Variants in SEMA3A observed in about 807,000 individuals in gnomAD.
SEMA3A encodes semaphorin-3A.
SEMA3A carries 29 observed loss-of-function variants against 97.9 expected under a neutral mutation model. That is an observed-to-expected ratio of 0.30 (90% CI 0.22 to 0.40). The LOEUF is 0.40. SEMA3A is among the 10% of genes least tolerant of loss of function. The pLI is 1.00. For missense variants in SEMA3A, 763 were observed against 951.3 expected (o/e 0.80, Z 2.60); for synonymous variants, 321 against 323.7 (o/e 0.99, Z 0.09).
At chr7:84,190,960 T>TAC (rs200896857) in intron 1 of SEMA3A, among the ~76,000 whole-genome samples, 36 of 82,678 alleles carry the variant, frequency 4.4e-4, no homozygotes, top group African/African-American at 8.0e-4. Context: ...TGTATTGGTA[T>TAC]ATACACACAC....
intron 2 of SEMA3A, among the ~76,000 whole-genome samples, chr7:84,338,205 A>G (rs1271817929): frequency 1.3e-5 from 2 of 151,578 alleles, no homozygotes; most frequent in African/African-American, 4.8e-5. Flanking sequence ...AAAATGTTCC[A>G]TATATCCCAA....
chr7:83,995,284 C>G (rs752823722), intron 12 of SEMA3A, among the ~76,000 whole-genome samples: 4 of 152,162 alleles, frequency 2.6e-5, no homozygotes, highest in Non-Finnish European at 5.9e-5. Flanking sequence ...TTCTGCGTCG[C>G]TCACTCTGGG....
Position 84,314,603 on chromosome 7 carries a change from T to C in SEMA3A, c.-168-7311A>G, listed in dbSNP as rs969513655. ...AATGTGTGCAATATATAAACTTTGTTGTAATAAGCTATATAGATAGATGTT... is the reference window on the plus strand; with the variant it reads ...AATGTGTGCAATATATAAACTTTGTCGTAATAAGCTATATAGATAGATGTT... On this transcript the variant is annotated intron_variant, in intron 2 of 3. Transcript: ENST00000424555. Among the ~76,000 whole-genome samples the C allele has an allele frequency of 8.5e-5, 13 of 152,294 alleles. No individual in the cohort carries two copies. The East Asian group carries it at 2.1e-3, about 25-fold the overall frequency.
intron 1 of SEMA3A, among the ~76,000 whole-genome samples, chr7:84,140,111 G>GA (rs1796254386): frequency 6.6e-6 from 1 of 152,076 alleles, no homozygotes; most frequent in Non-Finnish European, 1.5e-5. Flanking sequence ...TAAATGGAAA[G>GA]AAAAAAGACA....
intron 6 of SEMA3A, among the ~76,000 whole-genome samples, chr7:84,022,480 A>C (rs939152991): frequency 2.0e-5 from 3 of 152,232 alleles, no homozygotes; most frequent in African/African-American, 7.2e-5. Context: ...GTGGCCACTG[A>C]AACTTAATGA....
At chr7:84,263,741 T>C (rs977715464) in intron 3 of SEMA3A, among the ~76,000 whole-genome samples, 2 of 152,212 alleles carry the variant, frequency 1.3e-5, no homozygotes, top group African/African-American at 4.8e-5. Flanking sequence ...AGTATTTGAA[T>C]GGAGATCTGT....
intron 1 of SEMA3A, among the ~76,000 whole-genome samples, chr7:84,443,718 T>TA (rs1332220519): frequency 6.6e-6 from 1 of 152,150 alleles, no homozygotes; most frequent in Admixed American, 6.5e-5. Flanking sequence ...AACACTCTCA[T>TA]AATCAGCAGG....
At chr7:83,968,924 C>T (rs180745453) in intron 15 of SEMA3A, among the ~76,000 whole-genome samples, 3,896 of 151,132 alleles carry the variant, frequency 0.026, 98 homozygotes, top group Middle Eastern at 0.051. Flanking sequence ...AATTCTCCTG[C>T]CTCAGCCTCC....
intron 3 of SEMA3A, among the ~76,000 whole-genome samples, chr7:84,127,250 G>A (rs1795827684): frequency 6.6e-6 from 1 of 151,806 alleles, no homozygotes; most frequent in African/African-American, 2.4e-5. Flanking sequence ...CCATTGATAT[G>A]TGTGATCAAA....
chr7:84,023,228 T>C (rs545272160), intron 6 of SEMA3A, among the ~76,000 whole-genome samples: 4 of 152,316 alleles, frequency 2.6e-5, no homozygotes, highest in South Asian at 4.1e-4. Flanking sequence ...TTTGGCAGCT[T>C]GAGCTTATTT....
At chr7:84,042,313 C>T (rs745466626) in intron 6 of SEMA3A, among the ~76,000 whole-genome samples, 15 of 152,024 alleles carry the variant, frequency 9.9e-5, no homozygotes, top group Non-Finnish European at 1.9e-4. Context: ...AGGCACGATC[C>T]TTTTAGGAAA....
chr7:83,999,847 A>G (rs975854175), intron 12 of SEMA3A, among the ~76,000 whole-genome samples: 1 of 152,094 alleles, frequency 6.6e-6, no homozygotes, highest in Non-Finnish European at 1.5e-5. Context: ...GTCTCCAAAT[A>G]TACGTTGGTA....
At position 84,151,622 on chromosome 7, in the gene SEMA3A, C is replaced by T. The variant is rs1429321171; in HGVS notation, c.113-16671G>A. The stretch of plus-strand genomic sequence containing the variant: ...ACCAAATCTACGTCTGATTGGTGTA[C>T]CTGAAAGTGATGGGGAGAATGGAAC... On this transcript the variant is annotated intron_variant, in intron 1 of 16. Transcript: ENST00000265362. Among the ~76,000 whole-genome samples the T allele has an allele frequency of 5.9e-5, 9 of 152,048 alleles. 1 individual carries two copies. The highest frequency in any genetic ancestry group is 1.2e-4 in the Non-Finnish European group (8 of 68,004).
At chr7:84,342,262 C>T (rs138497110) in intron 2 of SEMA3A, among the ~76,000 whole-genome samples, 21 of 152,070 alleles carry the variant, frequency 1.4e-4, no homozygotes, top group African/African-American at 4.8e-4. Context: ...CTCGAACTCC[C>T]GAGCTCAGGT....
At chr7:84,260,408 C>A (rs1176232009) in intron 3 of SEMA3A, among the ~76,000 whole-genome samples, 1 of 152,076 alleles carries the variant, frequency 6.6e-6, no homozygotes, top group African/African-American at 2.4e-5. Flanking sequence ...CACCCGCCAC[C>A]AAGTTGGTGG....
At chr7:83,995,228 G>A (rs988288089) in intron 12 of SEMA3A, among the ~76,000 whole-genome samples, 1 of 152,096 alleles carries the variant, frequency 6.6e-6, no homozygotes, top group Admixed American at 6.5e-5. Flanking sequence ...GCACTCCCTA[G>A]TGAGATGAAC....
At chr7:84,150,247 C>T (rs931429387) in intron 1 of SEMA3A, among the ~76,000 whole-genome samples, 4 of 152,166 alleles carry the variant, frequency 2.6e-5, no homozygotes, top group Non-Finnish European at 5.9e-5. Flanking sequence ...GAGATTATGG[C>T]GAACAGGAAC....
chr7:84,435,113 C>T (rs1290181540), intron 1 of SEMA3A, among the ~76,000 whole-genome samples: 1 of 152,182 alleles, frequency 6.6e-6, no homozygotes, highest in Non-Finnish European at 1.5e-5. Context: ...TCCCTAAACA[C>T]TCTGCCAAAA....
At chr7:84,028,704 A>T (rs911690850) in intron 6 of SEMA3A, among the ~76,000 whole-genome samples, 8 of 152,302 alleles carry the variant, frequency 5.3e-5, no homozygotes, top group African/African-American at 1.9e-4. Flanking sequence ...ACCTGGGTTC[A>T]CGTGATTCTC....
Sources: allele counts gnomAD v4.1 joint callset (sites outside exome capture counted in the v4.1 genomes callset), GRCh38; gene constraint gnomAD v4.1.1; transcripts MANE v1.5; gene names NCBI Gene and HGNC (gene_info 2026-07-23, HGNC 2026-07-21).